The following SPIDR variants were observed in gnomAD, a reference collection of about 807,000 sequenced individuals.
The protein encoded by SPIDR is scaffold protein involved in DNA repair, also known as DNA repair-scaffolding protein.
SPIDR carries 93 observed loss-of-function variants against 104.6 expected under a neutral mutation model. That is an observed-to-expected ratio of 0.89 (90% CI 0.75 to 1.06). The LOEUF (loss-of-function observed/expected upper bound fraction) is 1.06. Among genes scored for constraint, SPIDR ranks in the 50% least tolerant of loss-of-function variants. The pLI, the probability that SPIDR is intolerant of heterozygous loss-of-function variation, is 0.00. For missense variants in SPIDR, 1,154 were observed against 1,111.2 expected, an observed-to-expected ratio of 1.04 and a Z score of -0.55; for synonymous variants, 431 against 416.9, an observed-to-expected ratio of 1.03 and a Z score of -0.41.
At chr8:47,539,159 C>T (rs909836119) in intron 8 of SPIDR, among the ~76,000 whole-genome samples, 1 of 151,898 alleles carries the variant, frequency 6.6e-6, no homozygotes, top group African/African-American at 2.4e-5. Flanking sequence ...CCATGCCCGG[C>T]CTATTGTGGG....
At position 47,279,466 on chromosome 8, in the gene SPIDR, G is replaced by A. The variant is rs868959471; in HGVS notation, c.34-396G>A. The A allele has an allele frequency of 7.6e-3, 1,214 of 160,318 alleles. 13 individuals carry two copies. Among genetic ancestry groups the A allele is most frequent in the African/African-American group, 0.027 (1,118 of 41,708 alleles). The allele number at this position is 160,318 out of a possible 1,614,324, so 9.9% of individuals were successfully genotyped here. A position where few individuals can be genotyped will look rare whatever the true frequency, so the allele number is the denominator to read the frequency against. On this transcript the variant is annotated intron_variant, in intron 1 of 19. Transcript: ENST00000297423. Reference sequence around the variant, plus strand: ...AGCCCCTGCTCTCACCTAGTTTCAGGCGCTCTTCTCAGTTCTATCAGACAC... The same window carrying A: ...AGCCCCTGCTCTCACCTAGTTTCAGACGCTCTTCTCAGTTCTATCAGACAC...
intron 5 of SPIDR, among the ~76,000 whole-genome samples, chr8:47,350,182 T>A (rs2053184496): frequency 6.6e-6 from 1 of 152,242 alleles, no homozygotes; most frequent in South Asian, 2.1e-4. Flanking sequence ...ATGAATGGAA[T>A]TATGTAAATT....
intron 8 of SPIDR, among the ~76,000 whole-genome samples, chr8:47,464,640 A>G (rs892604703): frequency 1.5e-4 from 22 of 151,198 alleles, no homozygotes; most frequent in African/African-American, 4.6e-4. Flanking sequence ...GAGGCAAAGA[A>G]CCCTTTTGTC....
chr8:47,417,830 C>A (rs1163118884), intron 7 of SPIDR, among the ~76,000 whole-genome samples: 1 of 152,152 alleles, frequency 6.6e-6, no homozygotes, highest in African/African-American at 2.4e-5. Flanking sequence ...CCAGTTTCAG[C>A]TTTCTACATA....
intron 8 of SPIDR, among the ~76,000 whole-genome samples, chr8:47,539,748 A>T (rs576882062): frequency 3.2e-4 from 43 of 134,060 alleles, no homozygotes; most frequent in Middle Eastern, 4.1e-3. Context: ...TTTTCTTCTT[A>T]AAAAAAAAAA....
intron 7 of SPIDR, among the ~76,000 whole-genome samples, chr8:47,429,141 C>G (rs2066915546): frequency 6.6e-6 from 1 of 152,106 alleles, no homozygotes; most frequent in Admixed American, 6.5e-5. Flanking sequence ...TTCCAGTGAC[C>G]ATTTTAAGTT....
At chr8:47,718,060 G>A (rs565511943) in intron 16 of SPIDR, among the ~76,000 whole-genome samples, 4 of 152,302 alleles carry the variant, frequency 2.6e-5, no homozygotes, top group African/African-American at 4.8e-5. Flanking sequence ...ACACATTGAA[G>A]GACTCTAGAG....
chr8:47,572,105 A>G (rs1485584168), intron 8 of SPIDR, among the ~76,000 whole-genome samples: 1 of 152,194 alleles, frequency 6.6e-6, no homozygotes, highest in East Asian at 1.9e-4. Context: ...TAACTGAAAT[A>G]GTGTAATATT....
intron 8 of SPIDR, among the ~76,000 whole-genome samples, chr8:47,583,142 CAA>C (rs199894320): frequency 2.8e-5 from 4 of 141,128 alleles, no homozygotes; most frequent in Non-Finnish European, 1.5e-5. Context: ...ACTAAAAATA[CAA>C]AAAAAAAAAA....
At chr8:47,553,328 C>G (rs891507212) in intron 8 of SPIDR, among the ~76,000 whole-genome samples, 13 of 152,302 alleles carry the variant, frequency 8.5e-5, no homozygotes, top group African/African-American at 3.1e-4. Context: ...GGATAATATC[C>G]TGAAGAGTGT....
chr8:47,455,447 T>A (rs2072772340), intron 8 of SPIDR, among the ~76,000 whole-genome samples: 1 of 151,284 alleles, frequency 6.6e-6, no homozygotes, highest in South Asian at 2.1e-4. Flanking sequence ...TATCTAGTAA[T>A]GAAGTAATTG....
intron 1 of SPIDR, among the ~76,000 whole-genome samples, chr8:47,267,457 C>A (rs1554547681): frequency 6.6e-6 from 1 of 152,182 alleles, no homozygotes; most frequent in East Asian, 1.9e-4. Context: ...AGTGGTTGCA[C>A]CTTTTACAGT....
chr8:47,415,864 C>T (rs1048490406), intron 7 of SPIDR, among the ~76,000 whole-genome samples: 1 of 152,210 alleles, frequency 6.6e-6, no homozygotes, highest in Non-Finnish European at 1.5e-5. Context: ...GTCCATCACC[C>T]CAAGGATTCT....
At chr8:47,362,065 A>G (rs1379147024) in intron 5 of SPIDR, among the ~76,000 whole-genome samples, 1 of 152,220 alleles carries the variant, frequency 6.6e-6, no homozygotes, top group Non-Finnish European at 1.5e-5. Flanking sequence ...GTGTGATCAC[A>G]GGTGCCGAAG....
chr8:47,550,639 A>C (rs887386313), intron 8 of SPIDR, among the ~76,000 whole-genome samples: 1 of 152,222 alleles, frequency 6.6e-6, no homozygotes, highest in African/African-American at 2.4e-5. Flanking sequence ...ACTTTGCTGC[A>C]GTTGCTTATC....
At chr8:47,724,892 G>A (rs1384578875) in intron 16 of SPIDR, among the ~76,000 whole-genome samples, 2 of 152,076 alleles carry the variant, frequency 1.3e-5, no homozygotes, top group African/African-American at 2.4e-5. Context: ...GGGTGAAGTC[G>A]TTTGGCAGCG....
intron 8 of SPIDR, among the ~76,000 whole-genome samples, chr8:47,483,267 G>A (rs1450668402): frequency 1.1e-4 from 17 of 151,912 alleles, no homozygotes; most frequent in Admixed American, 1.1e-3. Flanking sequence ...AGTAAGCCTT[G>A]TTTGTTTTTG....
At chr8:47,413,055 A>G (rs184993791) in intron 7 of SPIDR, among the ~76,000 whole-genome samples, 10 of 152,278 alleles carry the variant, frequency 6.6e-5, no homozygotes, top group Admixed American at 5.2e-4. Context: ...TATTTGCATT[A>G]TTGGGTTTCA....
At position 47,727,189 on chromosome 8, in the gene SPIDR, C is replaced by G. The variant is rs763695451; in HGVS notation, c.2342-11C>G. On this transcript the variant is annotated splice_polypyrimidine_tract_variant and intron_variant, in intron 16 of 19. Coordinates refer to ENST00000297423, the MANE Select transcript of SPIDR (RefSeq NM_001080394.4). The stretch of plus-strand genomic sequence containing the variant: ...CGCCTCTGAGGTGGGCTTTCCTTCT[C>G]TTGGGCCTAGGCACTGTGGTTGGCG... 4 of 1,613,904 alleles carry G rather than the reference C, an allele frequency of 2.5e-6. No individual in the cohort carries two copies. The highest frequency in any genetic ancestry group is 3.4e-6 in the Non-Finnish European group (4 of 1,179,896).
Sources: allele counts gnomAD v4.1 joint callset (sites outside exome capture counted in the v4.1 genomes callset), GRCh38; gene constraint gnomAD v4.1.1; transcripts MANE v1.5; gene names NCBI Gene and HGNC (gene_info 2026-07-23, HGNC 2026-07-21).